Variants in SMOC2 observed in about 807,000 individuals in gnomAD.
The protein encoded by SMOC2 is SPARC-related modular calcium-binding protein 2.
In SMOC2, 39 loss-of-function variants were observed where a neutral mutation model predicts 61.4. The observed-to-expected ratio is 0.64, with a 90% CI of 0.49 to 0.83. SMOC2 has a LOEUF of 0.83. SMOC2 is among the 40% of genes least tolerant of loss of function. SMOC2 has a pLI of 0.00. For synonymous variants in SMOC2, 247 were observed against 239.9 expected, an observed-to-expected ratio of 1.03 and a Z score of -0.27; for missense variants, 556 against 592.9, an observed-to-expected ratio of 0.94 and a Z score of 0.65.
chr6:168,500,241 C>T lies in SMOC2; in HGVS notation c.85-9674C>T, dbSNP rs372063863. Reference sequence around the variant, plus strand: ...GGCAGAGGTTGCAGCGAGCCCAGATCGCCCCACTGCACTCCAGCCCGGATG... The same window carrying T: ...GGCAGAGGTTGCAGCGAGCCCAGATTGCCCCACTGCACTCCAGCCCGGATG... On this transcript the variant is annotated intron_variant, in intron 1 of 12. Transcript: ENST00000356284. Among the ~76,000 whole-genome samples, 9 of 144,736 alleles carry T rather than the reference C, an allele frequency of 6.2e-5. No homozygotes were observed. The East Asian group carries it at 1.7e-3, about 27-fold the overall frequency. The allele number at this position is 144,736 out of a possible 152,430, so 95.0% of individuals were successfully genotyped here.
intron 9 of SMOC2, among the ~76,000 whole-genome samples, chr6:168,636,888 T>TCCCGCCTCCCTCCTC (rs1554253607): frequency 2.6e-5 from 1 of 38,602 alleles, no homozygotes; most frequent in East Asian, 8.5e-4. Context: ...GCCTCCCTCC[T>TCCCGCCTCCCTCCTC]CCCACCTCCC....
intron 7 of SMOC2, among the ~76,000 whole-genome samples, chr6:168,564,771 G>A (rs1310536768): frequency 6.6e-6 from 1 of 152,186 alleles, no homozygotes; most frequent in African/African-American, 2.4e-5. Context: ...GCTGATGACG[G>A]GCAGCCGCTG....
chr6:168,577,607 G>A (rs575966910), intron 7 of SMOC2, among the ~76,000 whole-genome samples: 1 of 152,312 alleles, frequency 6.6e-6, no homozygotes, highest in African/African-American at 2.4e-5. Flanking sequence ...CTGCTTCTGG[G>A]TGACACGCAC....
chr6:168,573,641 G>A (rs1583123110), intron 7 of SMOC2, among the ~76,000 whole-genome samples: 1 of 152,140 alleles, frequency 6.6e-6, no homozygotes, highest in East Asian at 1.9e-4. Context: ...GCATGGGGCA[G>A]GCAATCTTCC....
chr6:168,590,416 A>G, intron 7 of SMOC2, among the ~76,000 whole-genome samples: 1 of 142,354 alleles, frequency 7.0e-6, no homozygotes, highest in South Asian at 2.4e-4. Flanking sequence ...TTTAGGGGGC[A>G]GCCGGCCTGG....
chr6:168,645,004 G>T (rs1786986455), intron 9 of SMOC2, among the ~76,000 whole-genome samples: 1 of 152,100 alleles, frequency 6.6e-6, no homozygotes, highest in Non-Finnish European at 1.5e-5. Context: ...TAAACTATTT[G>T]CTTTTATATA....
At chr6:168,613,743 G>GCCTCTTCACACCTACAGCCAGCACA (rs1785958631) in intron 9 of SMOC2, among the ~76,000 whole-genome samples, 1 of 54,346 alleles carries the variant, frequency 1.8e-5, no homozygotes, top group African/African-American at 5.5e-5. Context: ...CCAGCACAGG[G>GCCTCTTCACACCTACAGCCAGCACA]GGCCTCTTCA....
intron 9 of SMOC2, among the ~76,000 whole-genome samples, chr6:168,646,266 C>T (rs1461879433): frequency 6.6e-6 from 1 of 152,208 alleles, no homozygotes; most frequent in African/African-American, 2.4e-5. Context: ...CTCACTGGCA[C>T]AATCCAGACC....
intron 9 of SMOC2, among the ~76,000 whole-genome samples, chr6:168,631,182 G>A (rs779179635): frequency 4.6e-5 from 7 of 152,100 alleles, no homozygotes; most frequent in Non-Finnish European, 8.8e-5. Context: ...TGTCTCCCCC[G>A]GATGCCCAGC....
intron 9 of SMOC2, among the ~76,000 whole-genome samples, chr6:168,639,828 C>T (rs373138898): frequency 4.6e-5 from 7 of 152,178 alleles, no homozygotes; most frequent in Admixed American, 1.3e-4. Context: ...ATTACAGAGA[C>T]GGCAGAATGG....
intron 2 of SMOC2, among the ~76,000 whole-genome samples, chr6:168,518,910 TGA>T (rs755354112): frequency 4.6e-5 from 7 of 151,752 alleles, no homozygotes; most frequent in East Asian, 1.9e-4. Flanking sequence ...CGTGCATGTG[TGA>T]GTGAGCATGA....
intron 8 of SMOC2, among the ~76,000 whole-genome samples, chr6:168,600,635 C>T (rs1422820921): frequency 1.3e-5 from 2 of 152,174 alleles, no homozygotes; most frequent in Non-Finnish European, 2.9e-5. Flanking sequence ...ACGTGGACGG[C>T]ATCAAATACC....
chr6:168,441,423 C>G lies in SMOC2; in HGVS notation c.53C>G (p.Pro18Arg). 1 of 1,510,186 alleles carries G rather than the reference C, an allele frequency of 6.6e-7. No individual in the cohort carries two copies. 93.5% of individuals were successfully genotyped at this position (1,510,186 alleles called of 1,614,324 possible). Residue 18 changes from proline (P) to arginine (R), a missense_variant, in exon 1 of 13, where the codon CCG becomes CGG. Coordinates refer to ENST00000356284, the MANE Select transcript of SMOC2 (RefSeq NM_001166412.2). Reference protein sequence around the residue: ...WLPLLAGLLPPVPAQKFSALT... With the variant: ...WLPLLAGLLPRVPAQKFSALT... The stretch of plus-strand genomic sequence containing the variant: ...CCGCTGCTCGCTGGGCTGCTCCCGC[C>G]GGTGCCCGCTCAGAAGTTCTCGGCG...
At chr6:168,609,747 C>T (rs955778925) in intron 9 of SMOC2, among the ~76,000 whole-genome samples, 11 of 152,200 alleles carry the variant, frequency 7.2e-5, no homozygotes, top group African/African-American at 2.4e-4. Flanking sequence ...TGGTCTTGAC[C>T]TTGTCACGTG....
At position 168,528,450 on chromosome 6, in the gene SMOC2, A is replaced by G. The variant is rs758229765; in HGVS notation, c.463+723A>G. 3.3e-5 allele frequency among the ~76,000 whole-genome samples: 5 copies of G among 152,260 alleles called. No homozygotes were observed. The East Asian group carries it at 9.6e-4, about 29-fold the overall frequency. On this transcript the variant is annotated intron_variant, in intron 4 of 12. Transcript: ENST00000356284. ...ATTAAGATAGTCAAAACACATCAAT[A>G]TAAAGCAATAATAAACTACAAAATG... is the stretch of plus-strand genomic sequence containing the variant.
At chr6:168,559,633 A>T (rs572748503) in intron 7 of SMOC2, among the ~76,000 whole-genome samples, 1 of 152,246 alleles carries the variant, frequency 6.6e-6, no homozygotes, top group Admixed American at 6.5e-5. Flanking sequence ...ATGTAGTTGC[A>T]CTAAGATAAG....
intron 8 of SMOC2, among the ~76,000 whole-genome samples, chr6:168,600,268 G>T (rs375845179): frequency 2.6e-5 from 4 of 151,982 alleles, no homozygotes; most frequent in Non-Finnish European, 4.4e-5. Flanking sequence ...TTAGCTGGGC[G>T]TGGTGGTGGA....
intron 8 of SMOC2, among the ~76,000 whole-genome samples, chr6:168,602,095 T>A (rs1247609626): frequency 6.6e-6 from 1 of 152,170 alleles, no homozygotes; most frequent in East Asian, 1.9e-4. Flanking sequence ...TTTCAGGGAC[T>A]GAGGAAATAG....
intron 2 of SMOC2, among the ~76,000 whole-genome samples, chr6:168,518,339 G>A (rs1000036237): frequency 1.3e-5 from 2 of 151,250 alleles, no homozygotes; most frequent in Admixed American, 1.3e-4. Flanking sequence ...GTATGCCTGA[G>A]GTGTGTGTGC....
Sources: allele counts gnomAD v4.1 joint callset (sites outside exome capture counted in the v4.1 genomes callset), GRCh38; gene constraint gnomAD v4.1.1; transcripts MANE v1.5; gene names NCBI Gene and HGNC (gene_info 2026-07-23, HGNC 2026-07-21).